The following IFFO2 variants were observed in gnomAD, a reference collection of about 807,000 sequenced individuals.
IFFO2 encodes intermediate filament family orphan 2.
A neutral mutation model predicts 53.5 loss-of-function variants in IFFO2; 19 were observed. The observed-to-expected ratio is 0.36, with a 90% CI of 0.25 to 0.52. The LOEUF is 0.52. Ranked by LOEUF, IFFO2 falls within the 20% of genes least tolerant of loss-of-function variation. The pLI, the probability that IFFO2 is intolerant of heterozygous loss-of-function variation, is 0.94. For missense variants in IFFO2, 570 were observed against 727.4 expected (o/e 0.78, Z 2.49); for synonymous variants, 303 against 313.6 (o/e 0.97, Z 0.36).
intron 1 of IFFO2, among the ~76,000 whole-genome samples, chr1:18,921,356 T>TA (rs1936213828): frequency 6.6e-6 from 1 of 152,140 alleles, no homozygotes; most frequent in Non-Finnish European, 1.5e-5. Context: ...AGTGCCACGT[T>TA]AAGGTATGAG....
chr1:18,910,174 G>A (rs2100639275), intron 8 of IFFO2, among the ~76,000 whole-genome samples, 168 bp downstream of exon 8: 1 of 152,156 alleles, frequency 6.6e-6, no homozygotes, highest in East Asian at 1.9e-4. Flanking sequence ...GCACATAGGT[G>A]TGCTAATAGT....
chr1:18,913,422 C>A (rs921406377), intron 5 of IFFO2, among the ~76,000 whole-genome samples: 1 of 152,240 alleles, frequency 6.6e-6, no homozygotes, highest in Admixed American at 6.5e-5. Context: ...GAAGGAAACC[C>A]CAGCCGAGGG....
intron 1 of IFFO2, among the ~76,000 whole-genome samples, chr1:18,922,165 C>T (rs1936224937): frequency 6.6e-6 from 1 of 152,190 alleles, no homozygotes; most frequent in African/African-American, 2.4e-5. Context: ...AGACTGGTTG[C>T]TCAGAATCCC....
rs961519196 is a variant in IFFO2 at position 18,919,078 on chromosome 1, T to G, written c.823-576A>C. On this transcript the variant is annotated intron_variant, in intron 3 of 8. Transcript: ENST00000455833. The surrounding 1 kb of genome is among the most constrained non-coding windows in gnomAD (Gnocchi z 4.9). ...CTCAGTCACCCACGTTCTGGCCCCTTCTGCCTTCTGGTGGGGTCTCCCCCT... is the reference window on the plus strand; with the variant it reads ...CTCAGTCACCCACGTTCTGGCCCCTGCTGCCTTCTGGTGGGGTCTCCCCCT... 7.9e-5 allele frequency among the ~76,000 whole-genome samples: 12 copies of G among 152,154 alleles called. No individual in the cohort carries two copies. Among genetic ancestry groups the G allele is most frequent in the Non-Finnish European group, 1.6e-4 (11 of 68,024 alleles).
chr1:18,926,673 TG>T (rs1408582354), intron 1 of IFFO2, among the ~76,000 whole-genome samples: 2 of 151,824 alleles, frequency 1.3e-5, no homozygotes, highest in Admixed American at 6.6e-5. Flanking sequence ...GGAAAAGGGG[TG>T]GGCAGATTCT....
At chr1:18,932,472 G>A in intron 1 of IFFO2, among the ~76,000 whole-genome samples, 1 of 152,354 alleles carries the variant, frequency 6.6e-6, no homozygotes, top group South Asian at 2.1e-4. Flanking sequence ...GAGGGGCAGA[G>A]GATCTGCACT....
At chr1:18,910,208 T>TGGATGGATGGATGGAG (rs1936014035) in intron 8 of IFFO2, 134 bp downstream of exon 8, 1 of 1,001,426 alleles carries the variant, frequency 1.0e-6, no homozygotes. Context: ...GATGGATGGA[T>TGGATGGATGGATGGAG]GGATGGACGG....
In IFFO2 at chr1:18,955,685, G is replaced by A. The variant is rs1210017579; in HGVS notation, c.648C>T (p.Arg216=). The change falls in exon 1 of 9, where the codon CGC becomes CGT. Residue 216 remains arginine, a synonymous_variant. Transcript: ENST00000455833. The part of the protein sequence containing the change: ...YNVLAKVKRE[R]DEYKRRWEEE... ...CCACTCACCTCCGCTTATACTCGTC[G>A]CGCTCGCGCTTCACCTTGGCCAGCA... 13 of 1,588,112 alleles carry A rather than the reference G, an allele frequency of 8.2e-6. No individual in the cohort carries two copies. The highest frequency in any genetic ancestry group is 1.7e-5 in the Admixed American group (1 of 57,876).
At chr1:18,941,589 G>A (rs998216464) in intron 1 of IFFO2, among the ~76,000 whole-genome samples, 2 of 152,238 alleles carry the variant, frequency 1.3e-5, no homozygotes, top group Admixed American at 1.3e-4. Flanking sequence ...AGGAGGAACG[G>A]CTGCCTTGCT....
At chr1:18,950,096 C>T (rs1187860837) in intron 1 of IFFO2, among the ~76,000 whole-genome samples, 1 of 152,184 alleles carries the variant, frequency 6.6e-6, no homozygotes, top group Non-Finnish European at 1.5e-5. Flanking sequence ...GTGTGTTTCT[C>T]TTAAAGGAAG....
At chr1:18,952,248 T>C (rs766763606) in intron 1 of IFFO2, among the ~76,000 whole-genome samples, 20 of 152,188 alleles carry the variant, frequency 1.3e-4, no homozygotes, top group African/African-American at 3.4e-4. Context: ...CTCGTCCTCA[T>C]TGCGGCTTCA....
chr1:18,952,170 T>C (rs1425151331), intron 1 of IFFO2, among the ~76,000 whole-genome samples: 1 of 152,142 alleles, frequency 6.6e-6, no homozygotes, highest in East Asian at 1.9e-4. Flanking sequence ...GAACAAGATA[T>C]TTTAGTGGCC....
chr1:18,925,297 T>C (rs571181221), intron 1 of IFFO2, among the ~76,000 whole-genome samples: 1 of 152,272 alleles, frequency 6.6e-6, no homozygotes, highest in African/African-American at 2.4e-5. Context: ...CAGGCTTGTC[T>C]CAAATGTCAT....
At position 18,908,402 on chromosome 1, in the gene IFFO2, G is replaced by A. The variant is rs1262302434; in HGVS notation, c.*159C>T. 1.7e-6 allele frequency: 1 copy of A among 603,430 alleles called. No individual in the cohort carries two copies. Among genetic ancestry groups the A allele is most frequent in the Non-Finnish European group, 3.0e-6 (1 of 335,538 alleles). 37.4% of individuals were successfully genotyped at this position (603,430 alleles called of 1,614,324 possible). On this transcript the variant is annotated 3_prime_UTR_variant, in exon 9 of 9. Transcript: ENST00000455833. ...CACCCGTTGGTGGTGTGGAAGGAAG[G>A]AAGGAAGCAGCAGTCCCTCAGGGCC...
chr1:18,932,624 C>T (rs1253006263), intron 1 of IFFO2, among the ~76,000 whole-genome samples: 1 of 152,250 alleles, frequency 6.6e-6, no homozygotes, highest in African/African-American at 2.4e-5. Context: ...TAGCACAGTG[C>T]CCAGCTCCCA....
At position 18,919,721 on chromosome 1, in the gene IFFO2, C is replaced by G; in HGVS notation, c.779G>C (p.Arg260Pro). 3 of 1,551,690 alleles carry G rather than the reference C, an allele frequency of 1.9e-6. No individual in the cohort carries two copies. The highest frequency in any genetic ancestry group is 2.6e-6 in the Non-Finnish European group (3 of 1,146,986). The part of the protein sequence containing the change: ...IQEEMNEKIE[R>P]LKAELVVFKG... Reference sequence around the variant, plus strand: ...AAACACCACCAGCTCGGCCTTGAGCCGCTCGATCTTCTCATTCATCTCCTC... The same window carrying G: ...AAACACCACCAGCTCGGCCTTGAGCGGCTCGATCTTCTCATTCATCTCCTC... The change falls in exon 3 of 9, where the codon CGG (arginine) becomes CCG (proline). Residue 260 changes from arginine (R) to proline (P), a missense_variant. By Grantham distance (103) the Arg-to-Pro change is moderately radical. Transcript: ENST00000455833. The surrounding 1 kb of genome is among the most constrained non-coding windows in gnomAD (Gnocchi z 4.9).
chr1:18,948,482 A>AGGT, intron 1 of IFFO2, among the ~76,000 whole-genome samples: 1 of 152,366 alleles, frequency 6.6e-6, no homozygotes, highest in East Asian at 1.9e-4. Flanking sequence ...CCAGAGAACC[A>AGGT]GGCATTGCCA....
In IFFO2 at chr1:18,947,138, CTCA is replaced by C. The variant is rs1267781189; in HGVS notation, c.665+8527_665+8529del. Among the ~76,000 whole-genome samples, 2 of 152,218 alleles carry C rather than the reference CTCA, an allele frequency of 1.3e-5. No individual in the cohort carries two copies. The highest frequency in any genetic ancestry group is 2.4e-5 in the African/African-American group (1 of 41,446). On this transcript the variant is annotated intron_variant, in intron 1 of 8. Transcript: ENST00000455833. This position sits in a 1 kb window ranked among gnomAD's most constrained non-coding sequence, Gnocchi z 5.0. ...TTCTCAGACATCCACACCCAGCAGT[CTCA>C]TCTTCCCCAACAAGAGGCACCAAAC...
intron 1 of IFFO2, among the ~76,000 whole-genome samples, chr1:18,929,298 C>T (rs961724557): frequency 6.6e-6 from 1 of 152,186 alleles, no homozygotes; most frequent in Non-Finnish European, 1.5e-5. Flanking sequence ...ATGCCCTTGA[C>T]AGATGATGCC....
Sources: allele counts gnomAD v4.1 joint callset (sites outside exome capture counted in the v4.1 genomes callset), GRCh38; gene constraint gnomAD v4.1.1; non-coding constraint Gnocchi (gnomAD v3.1); transcripts MANE v1.5; gene names NCBI Gene and HGNC (gene_info 2026-07-23, HGNC 2026-07-21).